TGIF1: variants seen among roughly 807,000 people sequenced by gnomAD.
TGIF1 encodes homeobox protein TGIF1.
In TGIF1, 4 loss-of-function variants were observed where a neutral mutation model predicts 19.3. The ratio of observed to expected loss-of-function variants is 0.21; its 90% confidence interval spans 0.10 to 0.47. TGIF1 has a LOEUF of 0.47. Among genes scored for constraint, TGIF1 ranks in the 20% least tolerant of loss-of-function variants. The probability of loss-of-function intolerance (pLI) is 0.98; values close to 1 mark genes in which losing one functional copy is unlikely to be tolerated. For missense variants in TGIF1, 275 were observed against 341.4 expected, an observed-to-expected ratio of 0.81 and a Z score of 1.53; for synonymous variants, 122 against 129.3, an observed-to-expected ratio of 0.94 and a Z score of 0.38.
chr18:3,450,215 A>G lies in TGIF1; in HGVS notation c.-275A>G. 7.1e-7 allele frequency: 1 copy of G among 1,400,816 alleles called. No individual in the cohort carries two copies. Among genetic ancestry groups the G allele is most frequent in the Admixed American group, 3.0e-5 (1 of 33,392 alleles). 86.8% of individuals were successfully genotyped at this position (1,400,816 alleles called of 1,614,324 possible). On this transcript the variant is annotated 5_prime_UTR_variant, in exon 1 of 3. Coordinates refer to ENST00000343820, the MANE Select transcript of TGIF1 (RefSeq NM_003244.4). The stretch of plus-strand genomic sequence containing the variant: ...TGCGCCGAGCAGGAGCAGGGAACAA[A>G]GGAGCGGAGAGGGGAGGGGAGAGAG...
chr18:3,428,459 G>T (rs2082502349), intron 2 of TGIF1, among the ~76,000 whole-genome samples: 2 of 151,920 alleles, frequency 1.3e-5, no homozygotes, highest in South Asian at 2.1e-4. Flanking sequence ...TTTTGGCCGG[G>T]TATGGTGGCG....
At chr18:3,423,924 G>A (rs76074046) in intron 2 of TGIF1, among the ~76,000 whole-genome samples, 1,899 of 152,186 alleles carry the variant, frequency 0.012, 39 homozygotes, top group African/African-American at 0.042. Flanking sequence ...CCTAAATGTT[G>A]AGAGGTAGAG....
At chr18:3,420,011 A>AAAAAGG (rs1431251455) in intron 2 of TGIF1, among the ~76,000 whole-genome samples, 1 of 152,106 alleles carries the variant, frequency 6.6e-6, no homozygotes, top group Non-Finnish European at 1.5e-5. Context: ...GTCTCAAAAA[A>AAAAAGG]AAAAAGGAAA....
chr18:3,441,596 A>G (rs527536870), intron 2 of TGIF1, among the ~76,000 whole-genome samples: 2 of 152,368 alleles, frequency 1.3e-5, no homozygotes, highest in African/African-American at 4.8e-5. Flanking sequence ...AAAAATTGCC[A>G]CATACACACC....
At chr18:3,415,643 G>A in intron 1 of TGIF1, 1 of 198,694 alleles carries the variant, frequency 5.0e-6, no homozygotes, top group Non-Finnish European at 1.1e-5. Flanking sequence ...AGTGACTTTG[G>A]TTACATAAGA....
intron 2 of TGIF1, among the ~76,000 whole-genome samples, chr18:3,432,123 CAA>C (rs751364681): frequency 0.54 from 52,622 of 97,634 alleles, 12,596 homozygotes; most frequent in East Asian, 0.82. Context: ...ACAAAACTGT[CAA>C]AAAAAAAAAA....
chr18:3,450,991 C>T (rs963671996), intron 1 of TGIF1, among the ~76,000 whole-genome samples: 1 of 151,442 alleles, frequency 6.6e-6, no homozygotes, highest in Admixed American at 6.6e-5. Context: ...CCGCCGCCCC[C>T]CTACTCCCAG....
upstream of TGIF1, chr18:3,450,089 G>A: frequency 1.9e-6 from 2 of 1,050,628 alleles, no homozygotes; most frequent in Non-Finnish European, 2.3e-6. Flanking sequence ...GAGGGGCGGA[G>A]GAGCGGCGGG....
chr18:3,449,612 C>T, upstream of TGIF1: 1 of 984,606 alleles, frequency 1.0e-6, no homozygotes, highest in Non-Finnish European at 1.2e-6. Context: ...AAGGGTGCGC[C>T]GCGCCGCGCC....
rs1056870215 is a variant in TGIF1, at chr18:3,458,132, A to G, written c.*192A>G. Reference sequence around the variant, plus strand: ...CTATAAACTTAAAGCTACTGTAGAAACAAAGGGTTTTCTTTTTTAAATGTT... The same window carrying G: ...CTATAAACTTAAAGCTACTGTAGAAGCAAAGGGTTTTCTTTTTTAAATGTT... On this transcript the variant is annotated 3_prime_UTR_variant, in exon 3 of 3. Transcript: ENST00000343820. 2.2e-5 allele frequency: 13 copies of G among 580,498 alleles called. No individual in the cohort carries two copies. In the African/African-American group the frequency reaches 2.4e-4, roughly 11 times the overall value. The allele number at this position is 580,498 out of a possible 1,614,324, so 36.0% of individuals were successfully genotyped here.
Position 3,451,731 on chromosome 18 carries a change from A to G in TGIF1, c.16+1226A>G, listed in dbSNP as rs2082943658. 1.6e-6 allele frequency: 2 copies of G among 1,240,672 alleles called. No homozygotes were observed. The highest frequency in any genetic ancestry group is 4.0e-5 in the Admixed American group (1 of 25,124). The allele number at this position is 1,240,672 out of a possible 1,614,324, so 76.9% of individuals were successfully genotyped here. On this transcript the variant is annotated intron_variant, in intron 1 of 2. Coordinates refer to ENST00000343820, the MANE Select transcript of TGIF1 (RefSeq NM_003244.4). This position sits in a 1 kb window ranked among gnomAD's most constrained non-coding sequence, Gnocchi z 5.4. ...TCTGCCTCCAGGCTTTCCCAGCGAG[A>G]GTGAAATTAAACTTGAAACTCGGAT...
At position 3,422,673 on chromosome 18, in the gene TGIF1, C is replaced by CTTTTTTGTTTTTTTTTTTTTT. The variant is rs1481496826; in HGVS notation, c.-45+4464_-45+4465insGTTTTTTTTTTTTTTTTTTTT. ...ATGTTAAGTGCCCTATATAGGTGGC[C>CTTTTTTGTTTTTTTTTTTTTT]TTTTTTTTTTTTTTTTTTTTTTTTT... On this transcript the variant is annotated intron_variant, in intron 2 of 3. Transcript: ENST00000401449. Among the ~76,000 whole-genome samples, 2 of 24,672 alleles carry CTTTTTTGTTTTTTTTTTTTTT rather than the reference C, an allele frequency of 8.1e-5. 1 individual carries two copies. 16.2% of individuals were successfully genotyped at this position (24,672 alleles called of 152,430 possible).
At chr18:3,416,460 G>A (rs988468286) in intron 1 of TGIF1, among the ~76,000 whole-genome samples, 3 of 152,020 alleles carry the variant, frequency 2.0e-5, no homozygotes, top group Admixed American at 1.3e-4. Flanking sequence ...AGGTTGCAGT[G>A]AGCCGAGATC....
At chr18:3,425,723 A>G (rs2082458469) in intron 2 of TGIF1, among the ~76,000 whole-genome samples, 1 of 150,368 alleles carries the variant, frequency 6.7e-6, no homozygotes, top group South Asian at 2.1e-4. Flanking sequence ...TCCTTGAAAA[A>G]CCCCTAACCT....
intron 2 of TGIF1, among the ~76,000 whole-genome samples, chr18:3,433,099 A>T (rs1598871353): frequency 6.9e-6 from 1 of 145,918 alleles, no homozygotes; most frequent in Non-Finnish European, 1.5e-5. Context: ...ACTGATTCTG[A>T]TTCTCACTCT....
chr18:3,416,845 C>A (rs2082338521), intron 1 of TGIF1, among the ~76,000 whole-genome samples: 1 of 151,864 alleles, frequency 6.6e-6, no homozygotes, highest in African/African-American at 2.4e-5. Flanking sequence ...GCAGGAGAAT[C>A]GCTTGAACCC....
chr18:3,432,143 A>AAAAAC (rs1555647113), intron 2 of TGIF1, among the ~76,000 whole-genome samples: 1 of 130,102 alleles, frequency 7.7e-6, no homozygotes, highest in African/African-American at 2.7e-5. Flanking sequence ...AAAAAAAAAA[A>AAAAAC]ACACTAAGAA....
chr18:3,423,460 A>G (rs751993777), intron 2 of TGIF1, among the ~76,000 whole-genome samples: 14 of 152,040 alleles, frequency 9.2e-5, no homozygotes, highest in African/African-American at 1.9e-4. Context: ...CGGGCAGATC[A>G]CGAGGTCAGG....
intron 2 of TGIF1, among the ~76,000 whole-genome samples, chr18:3,422,565 T>C (rs569999207): frequency 6.6e-6 from 1 of 151,806 alleles, no homozygotes; most frequent in Admixed American, 6.6e-5. Context: ...TAGTGTACAG[T>C]AATATTTTGT....
Sources: allele counts gnomAD v4.1 joint callset (sites outside exome capture counted in the v4.1 genomes callset), GRCh38; gene constraint gnomAD v4.1.1; non-coding constraint Gnocchi (gnomAD v3.1); transcripts MANE v1.5; gene names NCBI Gene and HGNC (gene_info 2026-07-23, HGNC 2026-07-21).